Variants in PTPRD observed in about 807,000 individuals in gnomAD.
PTPRD encodes the protein protein tyrosine phosphatase receptor type D.
A neutral mutation model predicts 214.5 loss-of-function variants in PTPRD; 34 were observed. The observed-to-expected ratio is 0.16, with a 90% confidence interval of 0.12 to 0.21. The LOEUF is 0.21. Ranked by LOEUF, PTPRD falls within the 10% of genes least tolerant of loss-of-function variation. The pLI is 1.00. For synonymous variants in PTPRD, 1,128 were observed against 845.7 expected (o/e 1.33, Z -5.79); for missense variants, 2,545 against 2,398.7 (o/e 1.06, Z -1.27).
At chr9:8,529,037 G>A (rs2074992188) in intron 14 of PTPRD, among the ~76,000 whole-genome samples, 2 of 152,108 alleles carry the variant, frequency 1.3e-5, no homozygotes. Context: ...TTTTCCAAGA[G>A]CAAAGAGGGA....
At chr9:9,864,719 T>C (rs1008913766) in intron 5 of PTPRD, among the ~76,000 whole-genome samples, 7 of 151,990 alleles carry the variant, frequency 4.6e-5, no homozygotes, top group African/African-American at 1.7e-4. Flanking sequence ...GGGTGTCACT[T>C]TGTTGCCTAG....
At chr9:10,434,652 G>C (rs902436485) in intron 2 of PTPRD, among the ~76,000 whole-genome samples, 1 of 151,866 alleles carries the variant, frequency 6.6e-6, no homozygotes, top group African/African-American at 2.4e-5. Context: ...TAAAATGATT[G>C]TTTGAAAACA....
intron 14 of PTPRD, among the ~76,000 whole-genome samples, chr9:8,529,509 T>C (rs570331692): frequency 2.4e-4 from 36 of 152,266 alleles, no homozygotes; most frequent in Non-Finnish European, 4.3e-4. Context: ...ATCCCAAAGA[T>C]CTGCATCATT....
At chr9:10,189,861 G>T (rs949123054) in intron 3 of PTPRD, among the ~76,000 whole-genome samples, 1 of 152,088 alleles carries the variant, frequency 6.6e-6, no homozygotes, top group Admixed American at 6.6e-5. Flanking sequence ...GAATGGGAGA[G>T]AGAGTTTTCT....
At chr9:9,253,673 A>G (rs773103638) in intron 9 of PTPRD, among the ~76,000 whole-genome samples, 16 of 152,124 alleles carry the variant, frequency 1.1e-4, no homozygotes, top group Non-Finnish European at 1.5e-4. Flanking sequence ...GTGATTTTGA[A>G]TGAGGAACTG....
intron 5 of PTPRD, among the ~76,000 whole-genome samples, chr9:9,812,789 A>G (rs1044448704): frequency 6.6e-5 from 10 of 152,142 alleles, no homozygotes; most frequent in Non-Finnish European, 1.5e-4. Flanking sequence ...TGGACCTTGG[A>G]GACATATGCA....
chr9:9,527,465 A>C (rs138506826), intron 8 of PTPRD, among the ~76,000 whole-genome samples: 14 of 152,310 alleles, frequency 9.2e-5, no homozygotes, highest in Admixed American at 3.3e-4. Flanking sequence ...TTCATCAGAA[A>C]ATAATATATG....
intron 5 of PTPRD, among the ~76,000 whole-genome samples, chr9:9,784,838 T>C (rs753112384): frequency 2.0e-5 from 3 of 148,166 alleles, no homozygotes; most frequent in African/African-American, 2.5e-5. Flanking sequence ...ATGTATGATG[T>C]CTTAATAATG....
At chr9:9,501,559 T>C (rs952131245) in intron 8 of PTPRD, among the ~76,000 whole-genome samples, 5 of 151,808 alleles carry the variant, frequency 3.3e-5, no homozygotes, top group African/African-American at 1.2e-4. Context: ...CAATCAACAA[T>C]CTTGTTCTAG....
At chr9:10,294,412 A>C (rs892677853) in intron 3 of PTPRD, among the ~76,000 whole-genome samples, 4 of 151,978 alleles carry the variant, frequency 2.6e-5, no homozygotes, top group African/African-American at 9.7e-5. Flanking sequence ...AAAAACCATT[A>C]AAAACAATTA....
chr9:9,806,624 C>T (rs1045113082), intron 5 of PTPRD, among the ~76,000 whole-genome samples: 2 of 152,138 alleles, frequency 1.3e-5, no homozygotes, highest in African/African-American at 2.4e-5. Context: ...TTACTGACTC[C>T]TTTCTCAGAC....
intron 14 of PTPRD, among the ~76,000 whole-genome samples, chr9:8,603,196 A>C (rs1027030433): frequency 6.6e-6 from 1 of 152,208 alleles, no homozygotes; most frequent in Non-Finnish European, 1.5e-5. Flanking sequence ...ACCATTTATA[A>C]GTTGCTTAAT....
chr9:8,634,385 A>T lies in PTPRD; in HGVS notation c.211-927T>A, dbSNP rs566722393. Among the ~76,000 whole-genome samples the T allele has an allele frequency of 3.3e-5, 5 of 152,146 alleles. No individual in the cohort carries two copies. The East Asian group carries it at 9.7e-4, about 29-fold the overall frequency. ...CTTGTATTTCACTGTGAATATTCCC[A>T]TGTGCCTAAATTATGAATAAATTGA... On this transcript the variant is annotated intron_variant, in intron 13 of 45. Coordinates refer to ENST00000381196, the MANE Select transcript of PTPRD (RefSeq NM_002839.4).
chr9:10,438,679 T>C (rs1160860776), intron 2 of PTPRD, among the ~76,000 whole-genome samples: 1 of 151,774 alleles, frequency 6.6e-6, no homozygotes, highest in Non-Finnish European at 1.5e-5. Flanking sequence ...TCAAGACCTC[T>C]GTATTTACAG....
At chr9:9,815,216 C>G (rs949665299) in intron 5 of PTPRD, among the ~76,000 whole-genome samples, 1 of 152,086 alleles carries the variant, frequency 6.6e-6, no homozygotes, top group African/African-American at 2.4e-5. Context: ...ACATTGTCCA[C>G]ATATAAGGTC....
chr9:8,578,297 C>T (rs904172489), intron 14 of PTPRD, among the ~76,000 whole-genome samples: 7 of 152,036 alleles, frequency 4.6e-5, no homozygotes, highest in Admixed American at 3.3e-4. Flanking sequence ...GAGTCAAGGG[C>T]CATTTACAAC....
At chr9:8,653,965 C>G (rs1016948173) in intron 12 of PTPRD, among the ~76,000 whole-genome samples, 2 of 152,198 alleles carry the variant, frequency 1.3e-5, no homozygotes, top group African/African-American at 4.8e-5. Context: ...TCCTCTTTAA[C>G]AGCTACTTCC....
intron 14 of PTPRD, among the ~76,000 whole-genome samples, chr9:8,548,376 T>C (rs996854845): frequency 1.4e-5 from 2 of 146,362 alleles, no homozygotes. Context: ...TGGAATTTTG[T>C]TTTTTTTTTG....
At chr9:10,282,057 A>G (rs1312644839) in intron 3 of PTPRD, among the ~76,000 whole-genome samples, 2 of 152,170 alleles carry the variant, frequency 1.3e-5, no homozygotes, top group East Asian at 3.9e-4. Context: ...TTTCCAATAG[A>G]TAATTTTAGG....
Sources: allele counts gnomAD v4.1 joint callset (sites outside exome capture counted in the v4.1 genomes callset), GRCh38; gene constraint gnomAD v4.1.1; transcripts MANE v1.5; gene names NCBI Gene and HGNC (gene_info 2026-07-23, HGNC 2026-07-21).